FAM53B: variants seen among roughly 807,000 people sequenced by gnomAD.
FAM53B encodes protein FAM53B.
In FAM53B, 12 loss-of-function variants were observed where a neutral mutation model predicts 32.7. The observed-to-expected ratio is 0.37, with a 90% CI of 0.24 to 0.59. FAM53B has a LOEUF of 0.59. FAM53B is among the 20% of genes least tolerant of loss of function. FAM53B has a pLI of 0.72. For synonymous variants in FAM53B, 234 were observed against 228.7 expected, an observed-to-expected ratio of 1.02 and a Z score of -0.21; for missense variants, 477 against 577.7, an observed-to-expected ratio of 0.83 and a Z score of 1.79.
intron 4 of FAM53B, among the ~76,000 whole-genome samples, chr10:124,666,295 C>T (rs557392636): frequency 6.6e-6 from 1 of 152,366 alleles, no homozygotes; most frequent in East Asian, 1.9e-4. Flanking sequence ...CTGGAACCTT[C>T]GGCTTGGTCC....
intron 3 of FAM53B, among the ~76,000 whole-genome samples, chr10:124,689,498 T>C (rs1949821438): frequency 6.6e-6 from 1 of 152,188 alleles, no homozygotes; most frequent in African/African-American, 2.4e-5. Flanking sequence ...AAATGGCAGC[T>C]GTGTCTTGGA....
intron 1 of FAM53B, among the ~76,000 whole-genome samples, chr10:124,721,187 G>A (rs1249284550): frequency 6.6e-6 from 1 of 152,244 alleles, no homozygotes; most frequent in African/African-American, 2.4e-5. Flanking sequence ...GGGGGACAGA[G>A]TAAGAATCCA....
chr10:124,703,239 G>A (rs1298066351), intron 2 of FAM53B, among the ~76,000 whole-genome samples: 15 of 152,060 alleles, frequency 9.9e-5, no homozygotes, highest in Admixed American at 8.5e-4. Flanking sequence ...TAGCAGAGAC[G>A]GGGCTTCACC....
chr10:124,721,958 G>A lies in FAM53B; in HGVS notation c.-174-15071C>T, dbSNP rs190017674. ...GAAACGCAGCTTTCTAAGAGGCTAC[G>A]AGAATATGTGGAAGCTTAAAAAATT... On this transcript the variant is annotated intron_variant, in intron 1 of 4. Coordinates refer to ENST00000337318, the MANE Select transcript of FAM53B (RefSeq NM_014661.4). Among the ~76,000 whole-genome samples, 48 of 152,312 alleles carry A rather than the reference G, an allele frequency of 3.2e-4. 1 individual carries two copies. The highest frequency in any genetic ancestry group is 1.0e-3 in the African/African-American group (43 of 41,560).
Position 124,682,332 on chromosome 10 carries a change from C to G in FAM53B, c.181G>C (p.Asp61His), listed in dbSNP as rs1185443280. 1 of 1,613,344 alleles carries G rather than the reference C, an allele frequency of 6.2e-7. No individual in the cohort carries two copies. The highest frequency in any genetic ancestry group is 1.7e-5 in the Admixed American group (1 of 60,016). Residue 61 changes from aspartate to histidine, a missense_variant, in exon 4 of 5, where the codon GAC becomes CAC. By Grantham distance (81) the Asp-to-His change is moderately conservative (BLOSUM62 -1). This residue lies in a region of FAM53B where 312 missense variants were observed against 420.2 expected (regional missense o/e 0.74). Transcript: ENST00000337318. This position sits in a 1 kb window ranked among gnomAD's most constrained non-coding sequence, Gnocchi z 5.2. ...DLDRKCPLQI[D>H]QPSTSIWECL... The stretch of plus-strand genomic sequence containing the variant: ...TCCCAGATGCTGGTGCTCGGTTGGT[C>G]AATCTGAAGAGGGCATTTCCTGTCC...
Position 124,696,083 on chromosome 10 carries a change from T to C in FAM53B, c.133+75A>G, listed in dbSNP as rs1038942005. The C allele has an allele frequency of 2.6e-6, 3 of 1,173,408 alleles. No homozygotes were observed. In the South Asian group the frequency reaches 3.7e-5, roughly 15 times the overall value. 72.7% of individuals were successfully genotyped at this position (1,173,408 alleles called of 1,614,324 possible). On this transcript the variant is annotated intron_variant, in intron 3 of 4. Transcript: ENST00000337318. The stretch of plus-strand genomic sequence containing the variant: ...ACTTGTGTCCAGAAAGTGCTTTGAG[T>C]GTCTCACCTGGAGGACTCAGACCCT...
At chr10:124,640,414 G>A (rs113881671) in intron 4 of FAM53B, among the ~76,000 whole-genome samples, 2,541 of 152,306 alleles carry the variant, frequency 0.017, 31 homozygotes, top group South Asian at 0.029. Flanking sequence ...ACACCAAGAT[G>A]GCCCCTGAAG....
intron 4 of FAM53B, among the ~76,000 whole-genome samples, chr10:124,634,441 C>T (rs771133539): frequency 1.3e-5 from 2 of 152,200 alleles, no homozygotes; most frequent in Non-Finnish European, 2.9e-5. Context: ...GTGGGAGGGA[C>T]GCAGTGGAAG....
intron 4 of FAM53B, among the ~76,000 whole-genome samples, chr10:124,650,263 G>A (rs1462221726): frequency 2.0e-5 from 3 of 152,170 alleles, no homozygotes; most frequent in Non-Finnish European, 4.4e-5. Flanking sequence ...GTTGGAGGAG[G>A]CCAAAGGTAA....
rs992284952 is a variant in FAM53B at position 124,706,897 on chromosome 10, C to A, written c.-174-10G>T. The A allele has an allele frequency of 7.0e-7, 1 of 1,434,164 alleles. No individual in the cohort carries two copies. Among genetic ancestry groups the A allele is most frequent in the Non-Finnish European group, 9.1e-7 (1 of 1,097,552 alleles). The allele number at this position is 1,434,164 out of a possible 1,614,324, so 88.8% of individuals were successfully genotyped here. A position where few individuals can be genotyped will look rare whatever the true frequency, so the allele number is the denominator to read the frequency against. On this transcript the variant is annotated splice_polypyrimidine_tract_variant and intron_variant, in intron 1 of 4. Coordinates refer to ENST00000337318, the MANE Select transcript of FAM53B (RefSeq NM_014661.4). The stretch of plus-strand genomic sequence containing the variant: ...AAATGTGGTCAACTCCCTGGAAAGA[C>A]AAAAGAAAAGCAAAAAGATTCAGGA...
chr10:124,742,469 G>C (rs1324433408), intron 1 of FAM53B: 2 of 152,236 alleles, frequency 1.3e-5, no homozygotes, highest in Non-Finnish European at 2.9e-5. Context: ...CTCAAACCAG[G>C]TGGCATCTTT....
Position 124,681,821 on chromosome 10 carries a change from C to T in FAM53B, c.692G>A (p.Cys231Tyr), listed in dbSNP as rs199590785. The T allele has an allele frequency of 3.8e-5, 61 of 1,611,448 alleles. No homozygotes were observed. In the East Asian group the frequency reaches 1.3e-3, roughly 34 times the overall value. The change falls in exon 4 of 5, where the codon TGC (cysteine) becomes TAC (tyrosine). Residue 231 changes from cysteine (C) to tyrosine (Y), a missense_variant. By Grantham distance (194) the Cys-to-Tyr change is radical. Coordinates refer to ENST00000337318, the MANE Select transcript of FAM53B (RefSeq NM_014661.4). ...GRLDLQRSLS[C>Y]SHEQFSFVEY... ...CACAAAGGAAAACTGCTCATGTGAG[C>T]AAGAGAGGGACCGCTGCAGGTCCAG...
chr10:124,661,029 C>A (rs1224350687), intron 4 of FAM53B, among the ~76,000 whole-genome samples: 4 of 147,974 alleles, frequency 2.7e-5, no homozygotes, highest in African/African-American at 1.0e-4. Context: ...AACCAAAGGC[C>A]ACCTGTACCC....
intron 2 of FAM53B, among the ~76,000 whole-genome samples, chr10:124,704,532 G>A (rs1949937213): frequency 2.6e-5 from 4 of 152,348 alleles, no homozygotes; most frequent in African/African-American, 7.2e-5. Flanking sequence ...GAAGGAGGGA[G>A]GGAGTATGTC....
At chr10:124,657,672 G>C (rs1472345707) in intron 4 of FAM53B, among the ~76,000 whole-genome samples, 1 of 152,174 alleles carries the variant, frequency 6.6e-6, no homozygotes, top group Admixed American at 6.5e-5. Context: ...ATACTCCTGA[G>C]CTGATATACA....
rs1949780930 is a variant in FAM53B at position 124,682,670 on chromosome 10, G to A, written c.134-291C>T. 6.6e-6 allele frequency among the ~76,000 whole-genome samples: 1 copy of A among 152,226 alleles called. No individual in the cohort carries two copies. The highest frequency in any genetic ancestry group is 2.1e-4 in the South Asian group (1 of 4,838). ...TCCAGTGTACCACACTGCCTCCCAGGAGAATCCAAAGCAATATTTTTCATC... is the reference window on the plus strand; with the variant it reads ...TCCAGTGTACCACACTGCCTCCCAGAAGAATCCAAAGCAATATTTTTCATC... On this transcript the variant is annotated intron_variant, in intron 3 of 4. Coordinates refer to ENST00000337318, the MANE Select transcript of FAM53B (RefSeq NM_014661.4). The surrounding 1 kb of genome is among the most constrained non-coding windows in gnomAD (Gnocchi z 5.2).
At chr10:124,714,758 C>CAAAAAAAA (rs71484584) in intron 1 of FAM53B, among the ~76,000 whole-genome samples, 2 of 90,842 alleles carry the variant, frequency 2.2e-5, no homozygotes, top group Non-Finnish European at 4.1e-5. Flanking sequence ...GACTCCACCT[C>CAAAAAAAA]AAAAAAAAAA....
chr10:124,733,430 C>T lies in FAM53B; in HGVS notation c.-175+10583G>A, dbSNP rs1950157030. ...AGCAGCTTCCCCCTGCCTTTGAGAA[C>T]ACTAGTGAGAACAGGCTATGACAGA... is the stretch of plus-strand genomic sequence containing the variant. On this transcript the variant is annotated intron_variant, in intron 1 of 4. Coordinates refer to ENST00000337318, the MANE Select transcript of FAM53B (RefSeq NM_014661.4). This position sits in a 1 kb window ranked among gnomAD's most constrained non-coding sequence, Gnocchi z 4.3. Among the ~76,000 whole-genome samples, 1 of 152,162 alleles carries T rather than the reference C, an allele frequency of 6.6e-6. No individual in the cohort carries two copies. Among genetic ancestry groups the T allele is most frequent in the Non-Finnish European group, 1.5e-5 (1 of 68,016 alleles).
intron 4 of FAM53B, among the ~76,000 whole-genome samples, chr10:124,641,995 C>T (rs1949477990): frequency 6.6e-6 from 1 of 152,234 alleles, no homozygotes. Context: ...AGCTGGAGAG[C>T]CGGAAGCCTA....
Sources: gnomAD v4.1 joint callset for allele counts (sites outside exome capture counted in the v4.1 genomes callset) on GRCh38, gnomAD v4.1.1 for gene constraint, gnomAD v4.1.1 regional missense constraint, Gnocchi (gnomAD v3.1) non-coding constraint, MANE v1.5 for transcripts, NCBI Gene and HGNC (gene_info 2026-07-23, HGNC 2026-07-21) for gene names.